Variants in CYP4F8 observed in about 807,000 individuals in gnomAD.
CYP4F8 encodes the protein cytochrome P450 family 4 subfamily F member 8, also known as cytochrome P450 4F8.
A neutral mutation model predicts 55.0 loss-of-function variants in CYP4F8; 56 were observed. The observed-to-expected ratio is 1.02, with a 90% confidence interval of 0.82 to 1.27. The LOEUF (loss-of-function observed/expected upper bound fraction) is 1.27, where lower values mean the gene tolerates loss of function less well. Ranked by LOEUF, CYP4F8 falls within the 50% of genes most tolerant of loss-of-function variation. The pLI is 0.00. For missense variants in CYP4F8, 680 were observed against 682.4 expected (o/e 1.00, Z 0.04); for synonymous variants, 288 against 267.3 (o/e 1.08, Z -0.76).
intron 9 of CYP4F8, 85 bp from the exon 10 acceptor site, chr19:15,628,217 G>A: frequency 6.3e-7 from 1 of 1,581,476 alleles, no homozygotes; most frequent in Non-Finnish European, 8.6e-7. Flanking sequence ...TAGGACTGAG[G>A]GTCAGAGGGA....
At chr19:15,628,189 C>T in intron 9 of CYP4F8, 113 bp from the exon 10 acceptor site, 1 of 1,484,466 alleles carries the variant, frequency 6.7e-7, no homozygotes, top group Non-Finnish European at 9.1e-7. Context: ...TTTGTTGCTT[C>T]TGGAATTAAT....
At chr19:15,618,821 C>T (rs111863539) in intron 3 of CYP4F8, 42 of 180,424 alleles carry the variant, frequency 2.3e-4, no homozygotes, top group African/African-American at 9.3e-4. Context: ...GTTCATTGCC[C>T]TCTTGCTCCA....
chr19:15,628,652 C>T, intron 11 of CYP4F8, 57 bp downstream of exon 11: 1 of 1,607,128 alleles, frequency 6.2e-7, no homozygotes, highest in South Asian at 1.1e-5. Context: ...GGGGTCTTGT[C>T]CCGGAAAACC....
At chr19:15,615,918 C>G (rs955020366) in intron 2 of CYP4F8, 104 bp downstream of exon 2, 3 of 1,212,808 alleles carry the variant, frequency 2.5e-6, no homozygotes, top group Non-Finnish European at 3.3e-6. Flanking sequence ...GAAACTCACT[C>G]ATTCCTCTGA....
chr19:15,629,573 G>A lies in CYP4F8; in HGVS notation c.*215G>A, dbSNP rs1972310460. On this transcript the variant is annotated 3_prime_UTR_variant, in exon 13 of 13. Transcript: ENST00000612078. ...AGATACTCACTGCCTCTCTGGGTGA[G>A]CACAGGAGCCCCGTGCTGAGGGTGG... 3.4e-6 allele frequency: 2 copies of A among 593,176 alleles called. No individual in the cohort carries two copies. Among genetic ancestry groups the A allele is most frequent in the South Asian group, 2.9e-5 (1 of 34,444 alleles). 36.7% of individuals were successfully genotyped at this position (593,176 alleles called of 1,614,324 possible).
At chr19:15,626,615 A>G (rs1436381910) in intron 9 of CYP4F8, among the ~76,000 whole-genome samples, 2 of 143,734 alleles carry the variant, frequency 1.4e-5, no homozygotes, top group Non-Finnish European at 3.1e-5. Flanking sequence ...ATATCTATCT[A>G]TCTATCTATC....
At chr19:15,620,920 C>T (rs1419062274) in intron 5 of CYP4F8, among the ~76,000 whole-genome samples, 1 of 152,002 alleles carries the variant, frequency 6.6e-6, no homozygotes, top group African/African-American at 2.4e-5. Context: ...AATAAATTAG[C>T]TTGTTACTTT....
rs1489650096 is a variant in CYP4F8, at chr19:15,619,490, A to T, written c.344A>T (p.Asp115Val). 1 of 1,614,100 alleles carries T rather than the reference A, an allele frequency of 6.2e-7. No individual in the cohort carries two copies. The highest frequency in any genetic ancestry group is 1.1e-5 in the South Asian group (1 of 91,086). ...CCCTGATGGTCCTCATTCATGTCAG[A>T]TGCCATTACAGACAAGGACATAGTC... ...DIVRSVINTS[D>V]AITDKDIVFY... The change falls in exon 4 of 13, where the codon GAT (aspartate) becomes GTT (valine). Residue 115 changes from aspartate (D) to valine (V), a missense_variant and splice_region_variant. By Grantham distance (152) the Asp-to-Val change is radical. Coordinates refer to ENST00000612078, the MANE Select transcript of CYP4F8 (RefSeq NM_007253.4).
At chr19:15,627,126 T>C (rs1345274328) in intron 9 of CYP4F8, 8 of 152,176 alleles carry the variant, frequency 5.3e-5, no homozygotes, top group Admixed American at 2.0e-4. Context: ...ATTTGTAATA[T>C]CTCTTAATAT....
chr19:15,623,223 T>A lies in CYP4F8; in HGVS notation c.766T>A (p.Phe256Ile). 6.2e-7 allele frequency: 1 copy of A among 1,614,006 alleles called. No homozygotes were observed. Among genetic ancestry groups the A allele is most frequent in the Non-Finnish European group, 8.5e-7 (1 of 1,179,996 alleles). The change falls in exon 7 of 13, where the codon TTC (phenylalanine) becomes ATC (isoleucine). Residue 256 changes from phenylalanine (F) to isoleucine (I), a missense_variant. Coordinates refer to ENST00000612078, the MANE Select transcript of CYP4F8 (RefSeq NM_007253.4). ...CTTCCTCACTCCCTGTGGACGGCGC[T>A]TCCACAGGGCCTGCAGACTGGTGCA... Reference protein sequence around the residue: ...LYFLTPCGRRFHRACRLVHDF... With the variant: ...LYFLTPCGRRIHRACRLVHDF...
chr19:15,628,407 G>A lies in CYP4F8; in HGVS notation c.1221G>A (p.Val407=). ...CCCGCGGCTGCACCCAGGACGTGGTGCTCCCAGACAGCCGAGTCATCCCCA... is the reference window on the plus strand; with the variant it reads ...CCCGCGGCTGCACCCAGGACGTGGTACTCCCAGACAGCCGAGTCATCCCCA... The part of the protein sequence containing the change: ...TFARGCTQDV[V]LPDSRVIPKG... Residue 407 remains valine (V), a synonymous_variant, in exon 10 of 13, where the codon GTG becomes GTA. Transcript: ENST00000612078. The A allele has an allele frequency of 6.2e-7, 1 of 1,614,116 alleles. No homozygotes were observed. Among genetic ancestry groups the A allele is most frequent in the Non-Finnish European group, 8.5e-7 (1 of 1,180,016 alleles).
chr19:15,615,760 C>A lies in CYP4F8; in HGVS notation c.144C>A (p.Leu48=), dbSNP rs139932465. The A allele has an allele frequency of 4.0e-4, 639 of 1,614,022 alleles. 2 individuals carry two copies. The African/African-American group carries it at 5.0e-3, about 13-fold the overall frequency. The change falls in exon 2 of 13, where the codon CTC becomes CTA. Residue 48 remains leucine, a synonymous_variant. Coordinates refer to ENST00000612078, the MANE Select transcript of CYP4F8 (RefSeq NM_007253.4). ...CCTTCTATCACAACGGCCGCCGCCT[C>A]CGGTGTTTCCCGCAGCCCCGGAAAC... ...TYAFYHNGRR[L]RCFPQPRKQN... is the part of the protein sequence containing the mutation.
rs73001907 is a variant in CYP4F8, at chr19:15,615,749, G to A, written c.133G>A (p.Gly45Ser). Residue 45 changes from glycine to serine, a missense_variant, in exon 2 of 13, where the codon GGC (glycine) becomes AGC (serine). Transcript: ENST00000612078. Reference sequence around the variant, plus strand: ...CTGGACCTATGCCTTCTATCACAACGGCCGCCGCCTCCGGTGTTTCCCGCA... The same window carrying A: ...CTGGACCTATGCCTTCTATCACAACAGCCGCCGCCTCCGGTGTTTCCCGCA... The part of the protein sequence containing the change: ...LAWTYAFYHN[G>S]RRLRCFPQPR... 11 of 1,613,714 alleles carry A rather than the reference G, an allele frequency of 6.8e-6. No individual in the cohort carries two copies. The highest frequency in any genetic ancestry group is 5.3e-5 in the African/African-American group (4 of 74,842).
At chr19:15,615,996 TTCTCCTCACTCACTCATTCC>T in intron 2 of CYP4F8, among the ~76,000 whole-genome samples, 182 bp downstream of exon 2, 1 of 139,120 alleles carries the variant, frequency 7.2e-6, no homozygotes, top group East Asian at 2.1e-4. Context: ...CACTCACTCA[TTCTCCTCACTCACTCATTCC>T]TCTCCTCACT....
At chr19:15,618,263 C>G in intron 3 of CYP4F8, 119 bp downstream of exon 3, 1 of 1,456,536 alleles carries the variant, frequency 6.9e-7, no homozygotes. Context: ...CTGCTTCTCT[C>G]TCAGCCACCT....
In CYP4F8 at chr19:15,629,487, T is replaced by C. The variant is rs910793059; in HGVS notation, c.*129T>C. ...CCCGCGGATGGCCAGTAGGGGGCGC[T>C]GGAGGACTGCGGGGATCTAGGGCCT... On this transcript the variant is annotated 3_prime_UTR_variant, in exon 13 of 13. Transcript: ENST00000612078. 1.6e-5 allele frequency: 21 copies of C among 1,311,186 alleles called. No individual in the cohort carries two copies. The highest frequency in any genetic ancestry group is 2.1e-5 in the Non-Finnish European group (21 of 990,226). The allele number at this position is 1,311,186 out of a possible 1,614,324, so 81.2% of individuals were successfully genotyped here. A position where few individuals can be genotyped will look rare whatever the true frequency, so the allele number is the denominator to read the frequency against.
chr19:15,619,454 C>G, intron 3 of CYP4F8, 36 bp from the exon 4 acceptor site: 1 of 1,613,312 alleles, frequency 6.2e-7, no homozygotes, highest in Non-Finnish European at 8.5e-7. Context: ...TCCTCTATTC[C>G]TCTCCATGGA....
At chr19:15,621,913 A>C in intron 5 of CYP4F8, 1 of 236,380 alleles carries the variant, frequency 4.2e-6, no homozygotes, top group Admixed American at 5.6e-5. Flanking sequence ...GCTCCCTGGC[A>C]TCAAAGCAGG....
intron 9 of CYP4F8, among the ~76,000 whole-genome samples, chr19:15,626,868 G>T (rs1442437714): frequency 6.6e-5 from 10 of 152,112 alleles, no homozygotes; most frequent in African/African-American, 2.2e-4. Context: ...TAAAGGAAAA[G>T]ACTCCACCTT....
Sources: gnomAD v4.1 joint callset for allele counts (sites outside exome capture counted in the v4.1 genomes callset) on GRCh38, gnomAD v4.1.1 for gene constraint, MANE v1.5 for transcripts, NCBI Gene and HGNC (gene_info 2026-07-23, HGNC 2026-07-21) for gene names.